MDN1: variants seen among roughly 807,000 people sequenced by gnomAD.
MDN1 encodes the protein midasin.
In MDN1, 266 loss-of-function variants were observed where a neutral mutation model predicts 669.2. That is an observed-to-expected ratio of 0.40 (90% CI 0.36 to 0.44). MDN1 has a LOEUF of 0.44. MDN1 is among the 20% of genes least tolerant of loss of function. MDN1 has a pLI of 1.00. For missense variants in MDN1, 5,940 were observed against 6,754.0 expected (o/e 0.88, Z 4.22); for synonymous variants, 2,385 against 2,457.1 (o/e 0.97, Z 0.87).
At chr6:89,784,770 A>AAT (rs1818865401) in intron 9 of MDN1, among the ~76,000 whole-genome samples, 1 of 152,222 alleles carries the variant, frequency 6.6e-6, no homozygotes, top group Non-Finnish European at 1.5e-5. Context: ...TATTGTGTAT[A>AAT]ATAATGTTAT....
intron 68 of MDN1, 139 bp downstream of exon 68, chr6:89,687,205 C>G (rs966455729): frequency 8.8e-7 from 1 of 1,134,102 alleles, no homozygotes; most frequent in African/African-American, 1.6e-5. Flanking sequence ...TTTTAATGCC[C>G]TACTTTTAAC....
intron 11 of MDN1, among the ~76,000 whole-genome samples, chr6:89,779,548 T>A (rs954498125): frequency 1.3e-5 from 2 of 152,192 alleles, no homozygotes; most frequent in Non-Finnish European, 2.9e-5. Flanking sequence ...GATCGGATAG[T>A]TACAAATTTA....
intron 16 of MDN1, 65 bp downstream of exon 16, chr6:89,762,254 A>C (rs1817583475): frequency 8.1e-6 from 11 of 1,353,120 alleles, no homozygotes; most frequent in South Asian, 8.0e-5. Flanking sequence ...CTTCCCCAAA[A>C]CTAATATGTT....
At chr6:89,772,515 G>GA in intron 14 of MDN1, 58 bp downstream of exon 14, 1 of 1,569,106 alleles carries the variant, frequency 6.4e-7, no homozygotes, top group South Asian at 1.2e-5. Flanking sequence ...TTTAAAAAAG[G>GA]AAAAAAAGTA....
intron 7 of MDN1, among the ~76,000 whole-genome samples, chr6:89,788,353 GGCAGT>G (rs1218454605): frequency 3.3e-5 from 5 of 152,178 alleles, no homozygotes; most frequent in Admixed American, 2.0e-4. Context: ...TTAGAAGCAG[GGCAGT>G]GAAGTCTTCC....
At chr6:89,798,197 A>G (rs573322274) in intron 2 of MDN1, among the ~76,000 whole-genome samples, 3 of 149,014 alleles carry the variant, frequency 2.0e-5, no homozygotes, top group East Asian at 4.0e-4. Context: ...AAAAAAAAAA[A>G]AAAAAGAAAG....
intron 73 of MDN1, among the ~76,000 whole-genome samples, chr6:89,682,177 G>C (rs1196330461): frequency 6.6e-6 from 1 of 152,170 alleles, no homozygotes; most frequent in African/African-American, 2.4e-5. Context: ...AGCACATCAC[G>C]GCACATATTC....
In MDN1 at chr6:89,692,686, G is replaced by T; in HGVS notation, c.10344C>A (p.Thr3448=). Residue 3448 remains threonine, a synonymous_variant, in exon 63 of 102, where the codon ACC becomes ACA. Transcript: ENST00000369393. The part of the protein sequence containing the change: ...ALLAFPSVGP[T]FPTYYAHADT... ...CTGCATGAGCATAGTAAGTCGGGAA[G>T]GTGGGGCCCACCGATGGGAAAGCCA... 1.2e-6 allele frequency: 2 copies of T among 1,614,226 alleles called. No homozygotes were observed. Among genetic ancestry groups the T allele is most frequent in the Non-Finnish European group, 1.7e-6 (2 of 1,180,038 alleles).
rs550924482 is a variant in MDN1, at chr6:89,647,930, G to A, written c.16395+102C>T. On this transcript the variant is annotated intron_variant, in intron 99 of 101. Coordinates refer to ENST00000369393, the MANE Select transcript of MDN1 (RefSeq NM_014611.3). ...ATGGCGCCATTGTACTCTAGCCTGG[G>A]TGACAGAACAAGGTCCTGTCTCAAA... The A allele has an allele frequency of 6.4e-4, 557 of 876,990 alleles. 11 individuals carry two copies. In the South Asian group the frequency reaches 8.4e-3, roughly 13 times the overall value. The allele number at this position is 876,990 out of a possible 1,614,324, so 54.3% of individuals were successfully genotyped here. A position where few individuals can be genotyped will look rare whatever the true frequency, so the allele number is the denominator to read the frequency against.
At chr6:89,646,793 G>GTTTTT (rs769980067) in intron 99 of MDN1, among the ~76,000 whole-genome samples, 190 bp from the exon 100 acceptor site, 8 of 152,200 alleles carry the variant, frequency 5.3e-5, no homozygotes, top group Admixed American at 3.3e-4. Context: ...CAGACATTCT[G>GTTTTT]TTTTTTAATT....
intron 74 of MDN1, 143 bp downstream of exon 74, chr6:89,680,446 T>G: frequency 1.0e-6 from 1 of 967,622 alleles, no homozygotes; most frequent in South Asian, 2.0e-5. Flanking sequence ...GCTCTGTGGG[T>G]TTTTAAGCCC....
At chr6:89,684,515 A>T (rs1811871696) in intron 71 of MDN1, among the ~76,000 whole-genome samples, 1 of 152,080 alleles carries the variant, frequency 6.6e-6, no homozygotes, top group Non-Finnish European at 1.5e-5. Flanking sequence ...CACTGAGAAT[A>T]TCAAAAAGAG....
chr6:89,703,594 T>TATTTGCCATTTTC (rs1180869491), intron 53 of MDN1, among the ~76,000 whole-genome samples: 1 of 152,234 alleles, frequency 6.6e-6, no homozygotes, highest in African/African-American at 2.4e-5. Context: ...AATATCATGT[T>TATTTGCCATTTTC]ATTTGCCATT....
intron 3 of MDN1, 53 bp downstream of exon 3, chr6:89,794,524 T>C: frequency 6.6e-7 from 1 of 1,516,386 alleles, no homozygotes; most frequent in Non-Finnish European, 9.1e-7. Context: ...ACTCCACACA[T>C]GCCCTGTACC....
At chr6:89,646,226 A>G (rs574215479) in intron 100 of MDN1, among the ~76,000 whole-genome samples, 1 of 152,322 alleles carries the variant, frequency 6.6e-6, no homozygotes, top group African/African-American at 2.4e-5. Flanking sequence ...GTGGTATTCA[A>G]GGGTTAATTG....
At chr6:89,697,581 C>A (rs1387769866) in intron 59 of MDN1, among the ~76,000 whole-genome samples, 1 of 151,768 alleles carries the variant, frequency 6.6e-6, no homozygotes, top group Non-Finnish European at 1.5e-5. Context: ...GCTGAACAAC[C>A]CTATTTTTTT....
At chr6:89,813,279 G>T (rs138551655) in intron 1 of MDN1, among the ~76,000 whole-genome samples, 5 of 152,100 alleles carry the variant, frequency 3.3e-5, no homozygotes, top group African/African-American at 4.8e-5. Flanking sequence ...GCTGGGCGCC[G>T]TGGCTCATGC....
chr6:89,735,107 C>G (rs77027996), intron 33 of MDN1, among the ~76,000 whole-genome samples: 1 of 152,042 alleles, frequency 6.6e-6, no homozygotes. Context: ...CCAGTATAGT[C>G]TCAATCTCTT....
At chr6:89,784,914 A>T in intron 9 of MDN1, 98 bp downstream of exon 9, 1 of 746,788 alleles carries the variant, frequency 1.3e-6, no homozygotes. Context: ...TGCAAAATTT[A>T]GGTTGATGAG....
Sources: gnomAD v4.1 joint callset for allele counts (sites outside exome capture counted in the v4.1 genomes callset) on GRCh38, gnomAD v4.1.1 for gene constraint, MANE v1.5 for transcripts, NCBI Gene and HGNC (gene_info 2026-07-23, HGNC 2026-07-21) for gene names.